CHMP4B: variants seen among roughly 807,000 people sequenced by gnomAD.
CHMP4B encodes the protein charged multivesicular body protein 4B, also known as SNF7 homolog associated with Alix 1.
A neutral mutation model predicts 25.1 loss-of-function variants in CHMP4B; 1 was observed. The observed-to-expected ratio is 0.04, with a 90% CI of 0.01 to 0.19. The LOEUF is 0.19. CHMP4B is among the 10% of genes least tolerant of loss of function. The pLI, the probability that CHMP4B is intolerant of heterozygous loss-of-function variation, is 1.00. For missense variants in CHMP4B, 151 were observed against 289.7 expected (o/e 0.52, Z 3.48); for synonymous variants, 101 against 115.6 (o/e 0.87, Z 0.81).
rs1979744190 is a variant in CHMP4B at position 33,848,286 on chromosome 20, A to T, written c.191-181A>T. Among the ~76,000 whole-genome samples the T allele has an allele frequency of 2.6e-5, 4 of 152,140 alleles. No homozygotes were observed. In the South Asian group the frequency reaches 8.3e-4, roughly 32 times the overall value. The stretch of plus-strand genomic sequence containing the variant: ...TTGTTTACTGGCCGTGTTTTGAGGT[A>T]TGTGAATTTTATGTTTTTGTAGAAA... On this transcript the variant is annotated intron_variant, in intron 1 of 4. Transcript: ENST00000217402.
chr20:33,841,223 T>G (rs146101469), intron 1 of CHMP4B, among the ~76,000 whole-genome samples: 149 of 152,304 alleles, frequency 9.8e-4, no homozygotes, highest in African/African-American at 3.3e-3. Flanking sequence ...GCTGATGAAG[T>G]CAGCAGGGTT....
At chr20:33,841,079 C>T (rs1474089929) in intron 1 of CHMP4B, among the ~76,000 whole-genome samples, 2 of 152,098 alleles carry the variant, frequency 1.3e-5, no homozygotes, top group Non-Finnish European at 2.9e-5. Flanking sequence ...TGATTTGGAG[C>T]GTTTGATATT....
intron 4 of CHMP4B, 74 bp from the exon 5 acceptor site, chr20:33,853,422 G>A: frequency 2.2e-6 from 3 of 1,384,756 alleles, no homozygotes; most frequent in Non-Finnish European, 2.1e-6. Flanking sequence ...ATGGAGCACA[G>A]GCAGCCCTCA....
chr20:33,830,021 A>G (rs1478191610), intron 1 of CHMP4B, among the ~76,000 whole-genome samples: 1 of 152,246 alleles, frequency 6.6e-6, no homozygotes, highest in African/African-American at 2.4e-5. Context: ...ACAAATGAGG[A>G]AACAGACTTT....
intron 1 of CHMP4B, among the ~76,000 whole-genome samples, chr20:33,814,965 A>G (rs1317667124): frequency 6.9e-6 from 1 of 144,484 alleles, no homozygotes; most frequent in African/African-American, 2.9e-5. Flanking sequence ...TTTAAAGCAG[A>G]GAGTCATCAT....
chr20:33,839,555 G>C (rs1979478273), intron 1 of CHMP4B, among the ~76,000 whole-genome samples: 1 of 152,140 alleles, frequency 6.6e-6, no homozygotes, highest in Admixed American at 6.5e-5. Flanking sequence ...TTTTTTCCAG[G>C]TAGAGGTTTT....
intron 1 of CHMP4B, among the ~76,000 whole-genome samples, chr20:33,840,094 A>G (rs1188189043): frequency 6.6e-6 from 1 of 152,218 alleles, no homozygotes; most frequent in Non-Finnish European, 1.5e-5. Flanking sequence ...GAAAGGGGAC[A>G]GGATACCACT....
chr20:33,811,367 G>A lies in CHMP4B; in HGVS notation c.-102G>A, dbSNP rs1165287126. 3.9e-6 allele frequency: 4 copies of A among 1,017,774 alleles called. No homozygotes were observed. The highest frequency in any genetic ancestry group is 5.0e-6 in the Non-Finnish European group (4 of 793,940). 63.0% of individuals were successfully genotyped at this position (1,017,774 alleles called of 1,614,324 possible). A position where few individuals can be genotyped will look rare whatever the true frequency, so the allele number is the denominator to read the frequency against. ...GGCGGAGGAGAGGCCTGCGGCGGCA[G>A]GGAGCGGCGGGACTGGGAGCGGGCG... On this transcript the variant is annotated 5_prime_UTR_variant, in exon 1 of 5. Transcript: ENST00000217402.
intron 1 of CHMP4B, among the ~76,000 whole-genome samples, chr20:33,848,203 C>T (rs1007300109): frequency 2.6e-5 from 4 of 152,148 alleles, no homozygotes; most frequent in Non-Finnish European, 5.9e-5. Flanking sequence ...GGTGGCTGTC[C>T]ATGCTTTGAT....
At position 33,848,615 on chromosome 20, in the gene CHMP4B, C is replaced by T. The variant is rs1420006609; in HGVS notation, c.339C>T (p.Ala113=). The T allele has an allele frequency of 6.2e-7, 1 of 1,614,226 alleles. No homozygotes were observed. The highest frequency in any genetic ancestry group is 1.1e-5 in the South Asian group (1 of 91,090). Residue 113 remains alanine, a synonymous_variant, in exon 2 of 5, where the codon GCC becomes GCT. Coordinates refer to ENST00000217402, the MANE Select transcript of CHMP4B (RefSeq NM_176812.5). ...TEVLKNMGYA[A]KAMKAAHDNM... ...TGCTCAAGAACATGGGCTATGCCGCCAAGGCCATGAAGGCGGCCCATGACA... is the reference window on the plus strand; with the variant it reads ...TGCTCAAGAACATGGGCTATGCCGCTAAGGCCATGAAGGCGGCCCATGACA...
At chr20:33,824,087 T>C (rs1407835685) in intron 1 of CHMP4B, among the ~76,000 whole-genome samples, 2 of 152,258 alleles carry the variant, frequency 1.3e-5, no homozygotes, top group African/African-American at 4.8e-5. Flanking sequence ...ATGCTTATTC[T>C]GCAGAGGAAT....
chr20:33,833,171 T>TG (rs1374819982), intron 1 of CHMP4B, among the ~76,000 whole-genome samples: 1 of 152,174 alleles, frequency 6.6e-6, no homozygotes. Flanking sequence ...AATTCAAACT[T>TG]CAGGTGCTAA....
At position 33,852,124 on chromosome 20, in the gene CHMP4B, C is replaced by A. The variant is rs139058314; in HGVS notation, c.531C>A (p.Asp177Glu). 21 of 1,614,068 alleles carry A rather than the reference C, an allele frequency of 1.3e-5. No individual in the cohort carries two copies. The Admixed American group carries it at 3.2e-4, about 24-fold the overall frequency. ...ELEELEQEEL[D>E]KNLLEISGPE... ...AAGAACTAGAACAGGAGGAACTAGA[C>A]AAGAATTTGCTGGAAATCAGTGGAC... Residue 177 changes from aspartate (D) to glutamate (E), a missense_variant, in exon 4 of 5, where the codon GAC becomes GAA. This residue lies in a region of CHMP4B where 82 missense variants were observed against 208.3 expected (regional missense o/e 0.39). Coordinates refer to ENST00000217402, the MANE Select transcript of CHMP4B (RefSeq NM_176812.5).
At position 33,823,137 on chromosome 20, in the gene CHMP4B, A is replaced by T. The variant is rs551900801; in HGVS notation, c.190+11479A>T. 1.8e-3 allele frequency among the ~76,000 whole-genome samples: 271 copies of T among 148,580 alleles called. 2 individuals carry two copies. The highest frequency in any genetic ancestry group is 6.3e-3 in the African/African-American group (256 of 40,472). ...TAAAAACATTGTATTTCAAAGAAAAATTTTTTTTTTTTCAAAAAAAGTATC... is the reference window on the plus strand; with the variant it reads ...TAAAAACATTGTATTTCAAAGAAAATTTTTTTTTTTTTCAAAAAAAGTATC... On this transcript the variant is annotated intron_variant, in intron 1 of 4. Transcript: ENST00000217402.
chr20:33,817,796 A>ATGATTATATTTAGAAGGG (rs1978822857), intron 1 of CHMP4B, among the ~76,000 whole-genome samples: 2 of 152,206 alleles, frequency 1.3e-5, no homozygotes, highest in South Asian at 4.1e-4. Flanking sequence ...TTGCAGATGG[A>ATGATTATATTTAGAAGGG]TGATTATATT....
Position 33,838,302 on chromosome 20 carries a change from G to A in CHMP4B, c.191-10165G>A, listed in dbSNP as rs924998162. 5.9e-5 allele frequency among the ~76,000 whole-genome samples: 9 copies of A among 152,306 alleles called. No homozygotes were observed. The East Asian group carries it at 1.7e-3, about 29-fold the overall frequency. On this transcript the variant is annotated intron_variant, in intron 1 of 4. Coordinates refer to ENST00000217402, the MANE Select transcript of CHMP4B (RefSeq NM_176812.5). The stretch of plus-strand genomic sequence containing the variant: ...CCTCCGGATGTAAGATTAGTGTCAG[G>A]TGTTACAGGGACTGGTCAGGACATG...
intron 1 of CHMP4B, among the ~76,000 whole-genome samples, chr20:33,842,580 C>T (rs1215038740): frequency 6.6e-6 from 1 of 152,200 alleles, no homozygotes; most frequent in Non-Finnish European, 1.5e-5. Context: ...TGGGACCAGG[C>T]TGCTGAGGGT....
At chr20:33,830,493 G>T (rs578124209) in intron 1 of CHMP4B, among the ~76,000 whole-genome samples, 7 of 152,158 alleles carry the variant, frequency 4.6e-5, no homozygotes, top group Non-Finnish European at 1.0e-4. Flanking sequence ...GGGTAATTCC[G>T]TTTCTGGTGA....
At chr20:33,850,636 A>C (rs183332213) in intron 2 of CHMP4B, among the ~76,000 whole-genome samples, 3 of 152,320 alleles carry the variant, frequency 2.0e-5, no homozygotes, top group Admixed American at 2.0e-4. Flanking sequence ...AAAAAGAGCT[A>C]TTGGCCCAGG....
Sources: allele counts gnomAD v4.1 joint callset (sites outside exome capture counted in the v4.1 genomes callset), GRCh38; gene constraint gnomAD v4.1.1; regional missense constraint gnomAD v4.1.1; transcripts MANE v1.5; gene names NCBI Gene and HGNC (gene_info 2026-07-23, HGNC 2026-07-21).